TENM2: variants seen among roughly 807,000 people sequenced by gnomAD.
TENM2 encodes teneurin-2.
Under a neutral mutation model 245.2 loss-of-function variants are expected in TENM2, and 52 were observed. The ratio of observed to expected loss-of-function variants is 0.21; its 90% CI spans 0.17 to 0.27. TENM2 has a LOEUF of 0.27. Ranked by LOEUF, TENM2 falls within the 10% of genes least tolerant of loss-of-function variation. The pLI is 1.00. For missense variants in TENM2, 3,046 were observed against 3,666.8 expected (o/e 0.83, Z 4.37); for synonymous variants, 1,363 against 1,438.9 (o/e 0.95, Z 1.19).
chr5:168,199,596 C>T (rs1667666445), intron 16 of TENM2, among the ~76,000 whole-genome samples: 1 of 152,162 alleles, frequency 6.6e-6, no homozygotes. Context: ...ACATCTTTTG[C>T]CAACAGTGTG....
chr5:167,061,911 G>C, the TENM2 span, among the ~76,000 whole-genome samples: 2 of 151,288 alleles, frequency 1.3e-5, no homozygotes, highest in African/African-American at 4.9e-5. Context: ...GAACAGCTAA[G>C]AAGAGTGGAC....
chr5:167,179,749 A>G, the TENM2 span, among the ~76,000 whole-genome samples: 2 of 152,150 alleles, frequency 1.3e-5, no homozygotes, highest in Admixed American at 6.6e-5. Flanking sequence ...AGAGTTGTCC[A>G]CAACTCTGTT....
intron 1 of TENM2, among the ~76,000 whole-genome samples, chr5:167,354,378 C>G (rs1327065043): frequency 6.6e-6 from 1 of 152,188 alleles, no homozygotes; most frequent in Non-Finnish European, 1.5e-5. Flanking sequence ...GTGATTTGAA[C>G]AGTTGTTGGG....
chr5:167,547,173 C>T (rs1048752090), intron 2 of TENM2, among the ~76,000 whole-genome samples: 11 of 152,290 alleles, frequency 7.2e-5, no homozygotes, highest in African/African-American at 2.6e-4. Context: ...GCAACCTCCA[C>T]CTACCAGGTT....
the TENM2 span, among the ~76,000 whole-genome samples, chr5:167,094,523 G>A: frequency 3.3e-5 from 5 of 151,700 alleles, no homozygotes; most frequent in Admixed American, 6.6e-5. Flanking sequence ...CCTTACAGAA[G>A]AAAAAAAACA....
intron 2 of TENM2, among the ~76,000 whole-genome samples, chr5:167,510,873 T>C (rs1769903537): frequency 6.6e-6 from 1 of 152,110 alleles, no homozygotes; most frequent in Non-Finnish European, 1.5e-5. Context: ...CAAACACAGA[T>C]ATTAAATCAT....
At chr5:168,243,957 TA>T (rs35732573) in intron 25 of TENM2, among the ~76,000 whole-genome samples, 2,424 of 147,426 alleles carry the variant, frequency 0.016, 50 homozygotes, top group Non-Finnish European at 0.026. Context: ...TTTTTTTTTT[TA>T]AGATAGAGTC....
At position 167,824,121 on chromosome 5, in the gene TENM2, G is replaced by A. The variant is rs112493911; in HGVS notation, c.503-51865G>A. Among the ~76,000 whole-genome samples the A allele has an allele frequency of 4.1e-3, 626 of 152,298 alleles. 10 individuals carry two copies. The highest frequency in any genetic ancestry group is 0.014 in the African/African-American group (590 of 41,564). On this transcript the variant is annotated intron_variant, in intron 2 of 28. Coordinates refer to ENST00000518659, the Ensembl canonical transcript of TENM2. ...AGAGGCATCGCCTGCTGCCTTTGTCGTCCTTCATGACCACCATCCTAACCC... is the reference window on the plus strand; with the variant it reads ...AGAGGCATCGCCTGCTGCCTTTGTCATCCTTCATGACCACCATCCTAACCC...
intron 2 of TENM2, among the ~76,000 whole-genome samples, chr5:167,417,606 T>G (rs1763236928): frequency 6.6e-6 from 1 of 152,164 alleles, no homozygotes; most frequent in African/African-American, 2.4e-5. Flanking sequence ...CTGTGCTAAG[T>G]GCTTTCCATA....
intron 12 of TENM2, among the ~76,000 whole-genome samples, chr5:168,162,124 A>C (rs1382106450): frequency 1.3e-5 from 2 of 152,210 alleles, no homozygotes; most frequent in Non-Finnish European, 2.9e-5. Flanking sequence ...TGAGAAGCTC[A>C]TGATAATCCT....
chr5:167,908,681 C>T (rs1187954608), intron 3 of TENM2, among the ~76,000 whole-genome samples: 1 of 139,674 alleles, frequency 7.2e-6, no homozygotes, highest in African/African-American at 2.7e-5. Flanking sequence ...TTCTTTTTCT[C>T]TCTCCCTCTC....
chr5:167,401,283 T>G lies in TENM2; in HGVS notation c.502+25810T>G, dbSNP rs1762355049. Among the ~76,000 whole-genome samples, 3 of 152,092 alleles carry G rather than the reference T, an allele frequency of 2.0e-5. No homozygotes were observed. In the South Asian group the frequency reaches 6.2e-4, roughly 32 times the overall value. Reference sequence around the variant, plus strand: ...GTTGAAGTTTTCAACTTCACTCCTTTGCCTAAGGAGTGATGCTAACTGACA... The same window carrying G: ...GTTGAAGTTTTCAACTTCACTCCTTGGCCTAAGGAGTGATGCTAACTGACA... On this transcript the variant is annotated intron_variant, in intron 2 of 28. Coordinates refer to ENST00000518659, the Ensembl canonical transcript of TENM2.
At chr5:167,634,535 C>A (rs1361827009) in intron 2 of TENM2, among the ~76,000 whole-genome samples, 1 of 148,758 alleles carries the variant, frequency 6.7e-6, no homozygotes, top group African/African-American at 2.5e-5. Flanking sequence ...CAATCAAGGT[C>A]ATTCAACTAC....
chr5:167,330,702 A>G (rs1243167139), intron 1 of TENM2, among the ~76,000 whole-genome samples: 1 of 152,190 alleles, frequency 6.6e-6, no homozygotes, highest in Non-Finnish European at 1.5e-5. Flanking sequence ...AAATCTGAGG[A>G]TCCAGGAGAC....
intron 2 of TENM2, among the ~76,000 whole-genome samples, chr5:167,453,298 G>T (rs995030492): frequency 5.3e-5 from 8 of 151,934 alleles, no homozygotes; most frequent in Non-Finnish European, 1.2e-4. Flanking sequence ...CATTTGTTTT[G>T]TTGAAATGGC....
At chr5:167,485,788 G>A (rs762625651) in intron 2 of TENM2, among the ~76,000 whole-genome samples, 1 of 152,092 alleles carries the variant, frequency 6.6e-6, no homozygotes, top group Non-Finnish European at 1.5e-5. Flanking sequence ...TTTGTATCTC[G>A]GTACCTGTTT....
At chr5:168,192,406 A>C (rs761901419) in intron 14 of TENM2, among the ~76,000 whole-genome samples, 1 of 152,184 alleles carries the variant, frequency 6.6e-6, no homozygotes, top group Admixed American at 6.5e-5. Context: ...AAACTTTACC[A>C]GTCCCAGTGA....
chr5:167,628,383 C>T (rs1778652418), intron 2 of TENM2, among the ~76,000 whole-genome samples: 1 of 152,186 alleles, frequency 6.6e-6, no homozygotes, highest in Non-Finnish European at 1.5e-5. Context: ...CGTTGAAGGT[C>T]CTCTGTTGTC....
chr5:167,933,485 A>G (rs933766387), intron 3 of TENM2, among the ~76,000 whole-genome samples: 1 of 152,202 alleles, frequency 6.6e-6, no homozygotes, highest in Non-Finnish European at 1.5e-5. Flanking sequence ...TCAGTCATCA[A>G]TTAAATGTTG....
Sources: gnomAD v4.1 joint callset for allele counts (sites outside exome capture counted in the v4.1 genomes callset) on GRCh38, gnomAD v4.1.1 for gene constraint, MANE v1.5 for transcripts, NCBI Gene and HGNC (gene_info 2026-07-23, HGNC 2026-07-21) for gene names.